ETV3: variants seen among roughly 807,000 people sequenced by gnomAD.
The protein encoded by ETV3 is ETS translocation variant 3.
A neutral mutation model predicts 33.0 loss-of-function variants in ETV3; 8 were observed. That is an observed-to-expected ratio of 0.24 (90% CI 0.14 to 0.44). ETV3 has a LOEUF of 0.44. Ranked by LOEUF, ETV3 falls within the 20% of genes least tolerant of loss-of-function variation. The pLI, the probability that ETV3 is intolerant of heterozygous loss-of-function variation, is 1.00. For synonymous variants in ETV3, 222 were observed against 238.9 expected, an observed-to-expected ratio of 0.93 and a Z score of 0.65; for missense variants, 473 against 652.3, an observed-to-expected ratio of 0.73 and a Z score of 2.99.
At chr1:157,133,400 G>A (rs1416238547) in intron 4 of ETV3, 1 of 985,322 alleles carries the variant, frequency 1.0e-6, no homozygotes, top group Non-Finnish European at 1.2e-6. Context: ...TTGGGCAGGA[G>A]TATGATTTGC....
At chr1:157,134,546 G>A (rs1226869329) in intron 3 of ETV3, among the ~76,000 whole-genome samples, 1 of 152,130 alleles carries the variant, frequency 6.6e-6, no homozygotes, top group Non-Finnish European at 1.5e-5. Context: ...ATTTCCGTCC[G>A]GTTGCACTGC....
chr1:157,131,298 T>C (rs911819749), intron 4 of ETV3, among the ~76,000 whole-genome samples: 2 of 152,228 alleles, frequency 1.3e-5, no homozygotes, highest in Non-Finnish European at 2.9e-5. Flanking sequence ...ATTTTAATAA[T>C]GTGTTATACA....
chr1:157,134,294 G>A, intron 3 of ETV3, 67 bp from the exon 4 acceptor site: 1 of 1,553,278 alleles, frequency 6.4e-7, no homozygotes, highest in East Asian at 2.3e-5. Context: ...CACTTAGGTA[G>A]CCACTGAGAC....
rs1447081070 is a variant in ETV3 at position 157,134,176 on chromosome 1, G to A, written c.336C>T (p.Thr112=). 1.9e-6 allele frequency: 3 copies of A among 1,613,776 alleles called. No individual in the cohort carries two copies. The highest frequency in any genetic ancestry group is 1.3e-5 in the African/African-American group (1 of 74,910). The change falls in exon 4 of 5, where the codon ACC becomes ACT. Residue 112 remains threonine, a synonymous_variant. Coordinates refer to ENST00000368192, the MANE Select transcript of ETV3 (RefSeq NM_001145312.3). ...ILHKTKGKRF[T]YKFNFNKLVM... is the part of the protein sequence containing the mutation. Reference sequence around the variant, plus strand: ...CCAGCTTGTTGAAGTTAAATTTATAGGTAAATCTTTTCCCTTTTGTTTTAT... The same window carrying A: ...CCAGCTTGTTGAAGTTAAATTTATAAGTAAATCTTTTCCCTTTTGTTTTAT...
chr1:157,136,990 AAC>A (rs1292060544), intron 1 of ETV3, among the ~76,000 whole-genome samples: 1 of 152,216 alleles, frequency 6.6e-6, no homozygotes, highest in African/African-American at 2.4e-5. Context: ...CTATTCAAAA[AAC>A]ACACACAAAC....
intron 4 of ETV3, chr1:157,128,435 GC>G: frequency 3.0e-6 from 1 of 328,114 alleles, no homozygotes; most frequent in Non-Finnish European, 6.2e-6. Context: ...GAAAAGGGAG[GC>G]AAGCACGAGA....
intron 4 of ETV3, among the ~76,000 whole-genome samples, chr1:157,128,069 G>A (rs1415245214): frequency 1.3e-5 from 2 of 152,056 alleles, no homozygotes; most frequent in Non-Finnish European, 2.9e-5. Flanking sequence ...ATCTAGGAGT[G>A]GAAACAAAAA....
chr1:157,124,693 T>C lies in ETV3; in HGVS notation c.*148A>G. ...TAATTTACAACAGAAGATAACCCCA[T>C]CCCATCCCCAAAACATAAAAATACA... On this transcript the variant is annotated 3_prime_UTR_variant, in exon 5 of 5. Coordinates refer to ENST00000368192, the MANE Select transcript of ETV3 (RefSeq NM_001145312.3). 1.3e-6 allele frequency: 1 copy of C among 796,840 alleles called. No individual in the cohort carries two copies. The highest frequency in any genetic ancestry group is 1.9e-6 in the Non-Finnish European group (1 of 525,988). 49.4% of individuals were successfully genotyped at this position (796,840 alleles called of 1,614,324 possible). A position where few individuals can be genotyped will look rare whatever the true frequency, so the allele number is the denominator to read the frequency against.
intron 4 of ETV3, among the ~76,000 whole-genome samples, chr1:157,126,719 GCGGAGGGGCAGAGC>G (rs1674845627): frequency 6.7e-6 from 1 of 149,472 alleles, no homozygotes; most frequent in East Asian, 2.0e-4. Flanking sequence ...GGCTGACTGT[GCGGAGGGGCAGAGC>G]TGCCCTGGCT....
rs1674718017 is a variant in ETV3 at position 157,121,911 on chromosome 1, CTCCT to C, written c.*2926_*2929del. On this transcript the variant is annotated 3_prime_UTR_variant, in exon 5 of 5. Transcript: ENST00000368192. ...TGAAATGTTTACATTAAATATTTCA[CTCCT>C]ACCCATTCTTCAGGAAAAAAGGTGA... 5 of 152,154 alleles carry C rather than the reference CTCCT, an allele frequency of 3.3e-5. No homozygotes were observed. Among genetic ancestry groups the C allele is most frequent in the Admixed American group, 3.3e-4 (5 of 15,280 alleles). The allele number at this position is 152,154 out of a possible 1,614,324, so 9.4% of individuals were successfully genotyped here.
rs74116989 is a variant in ETV3 at position 157,135,168 on chromosome 1, G to T, written c.284+303C>A. The T allele has an allele frequency of 1.0e-3, 492 of 480,222 alleles. 4 individuals carry two copies. Among genetic ancestry groups the T allele is most frequent in the African/African-American group, 8.4e-3 (434 of 51,808 alleles). 29.7% of individuals were successfully genotyped at this position (480,222 alleles called of 1,614,324 possible). A position where few individuals can be genotyped will look rare whatever the true frequency, so the allele number is the denominator to read the frequency against. On this transcript the variant is annotated intron_variant, in intron 3 of 4. Transcript: ENST00000368192. ...TAAACTAATCCTTTGGATTATAAAT[G>T]AACTCCAATCCATGTTTCACCATAT...
At position 157,121,707 on chromosome 1, in the gene ETV3, T is replaced by A. The variant is rs1674713163; in HGVS notation, c.*3134A>T. The A allele has an allele frequency of 6.6e-6, 1 of 152,112 alleles. No homozygotes were observed. The highest frequency in any genetic ancestry group is 1.5e-5 in the Non-Finnish European group (1 of 68,002). The allele number at this position is 152,112 out of a possible 1,614,324, so 9.4% of individuals were successfully genotyped here. On this transcript the variant is annotated 3_prime_UTR_variant, in exon 5 of 5. Transcript: ENST00000368192. The stretch of plus-strand genomic sequence containing the variant: ...AGCACAAACATAATTATGGAATAAA[T>A]AAAAAACAAGGGACAAACAGCCAAC...
intron 2 of ETV3, 55 bp downstream of exon 2, chr1:157,136,252 A>C (rs977961189): frequency 1.3e-6 from 2 of 1,531,300 alleles, no homozygotes; most frequent in Non-Finnish European, 9.0e-7. Flanking sequence ...TGGAGAGGAC[A>C]GGAACCACTG....
Position 157,124,802 on chromosome 1 carries a change from T to C in ETV3, c.*39A>G, listed in dbSNP as rs1674788381. On this transcript the variant is annotated 3_prime_UTR_variant, in exon 5 of 5. Coordinates refer to ENST00000368192, the MANE Select transcript of ETV3 (RefSeq NM_001145312.3). ...TTGCTACATAAATACATGTATGTAT[T>C]TGATTATAGTATAAACAGCTCCTAA... The C allele has an allele frequency of 1.4e-6, 2 of 1,379,868 alleles. No individual in the cohort carries two copies. Among genetic ancestry groups the C allele is most frequent in the Admixed American group, 3.3e-5 (1 of 30,482 alleles). 85.5% of individuals were successfully genotyped at this position (1,379,868 alleles called of 1,614,324 possible). A position where few individuals can be genotyped will look rare whatever the true frequency, so the allele number is the denominator to read the frequency against.
chr1:157,137,324 TA>T (rs951049568), intron 1 of ETV3, among the ~76,000 whole-genome samples: 7 of 152,028 alleles, frequency 4.6e-5, no homozygotes, highest in African/African-American at 1.7e-4. Context: ...AGAGAATGCC[TA>T]AGTGGCCCCC....
intron 3 of ETV3, chr1:157,135,257 T>A (rs1456424580): frequency 1.6e-6 from 1 of 630,566 alleles, no homozygotes; most frequent in African/African-American, 1.8e-5. Flanking sequence ...CACATTGGAA[T>A]CCCCTCCTAC....
At chr1:157,136,586 G>T (rs1675119153) in intron 1 of ETV3, among the ~76,000 whole-genome samples, 1 of 152,102 alleles carries the variant, frequency 6.6e-6, no homozygotes, top group South Asian at 2.1e-4. Context: ...TCTCTCACCT[G>T]ACTTTAAACC....
Position 157,122,776 on chromosome 1 carries a change from A to G in ETV3, c.*2065T>C, listed in dbSNP as rs1256368621. On this transcript the variant is annotated 3_prime_UTR_variant, in exon 5 of 5. Transcript: ENST00000368192. ...CTGATTCAGAGGTAAGTCGAAGTGC[A>G]GAGAAAGAAACTTACAAAAGCACAA... The G allele has an allele frequency of 1.3e-5, 2 of 152,266 alleles. No homozygotes were observed. The highest frequency in any genetic ancestry group is 1.3e-4 in the Admixed American group (2 of 15,294). The allele number at this position is 152,266 out of a possible 1,614,324, so 9.4% of individuals were successfully genotyped here. A position where few individuals can be genotyped will look rare whatever the true frequency, so the allele number is the denominator to read the frequency against.
chr1:157,127,184 A>C (rs1230296799), intron 4 of ETV3, among the ~76,000 whole-genome samples: 1 of 152,280 alleles, frequency 6.6e-6, no homozygotes, highest in Non-Finnish European at 1.5e-5. Context: ...ATGCATGGAA[A>C]GTAATGCATT....
Sources: gnomAD v4.1 joint callset for allele counts (sites outside exome capture counted in the v4.1 genomes callset) on GRCh38, gnomAD v4.1.1 for gene constraint, MANE v1.5 for transcripts, NCBI Gene and HGNC (gene_info 2026-07-23, HGNC 2026-07-21) for gene names.